BRINP3: variants seen among roughly 807,000 people sequenced by gnomAD.
The protein encoded by BRINP3 is BMP/retinoic acid-inducible neural-specific protein 3.
BRINP3 carries 19 observed loss-of-function variants against 71.0 expected under a neutral mutation model. The ratio of observed to expected loss-of-function variants is 0.27; its 90% CI spans 0.19 to 0.39. BRINP3 has a LOEUF of 0.39. Among genes scored for constraint, BRINP3 ranks in the 10% least tolerant of loss-of-function variants. The pLI is 1.00. For missense variants in BRINP3, 959 were observed against 940.8 expected (o/e 1.02, Z -0.25); for synonymous variants, 380 against 337.7 (o/e 1.13, Z -1.37).
chr1:190,273,657 A>G (rs1021870258), intron 3 of BRINP3, among the ~76,000 whole-genome samples: 1 of 151,708 alleles, frequency 6.6e-6, no homozygotes, highest in Admixed American at 6.6e-5. Flanking sequence ...GGCCCTTAAA[A>G]TTATGTATTT....
At chr1:190,443,814 C>T (rs6660355) in intron 2 of BRINP3, among the ~76,000 whole-genome samples, 23,489 of 152,138 alleles carry the variant, frequency 0.15, 1,930 homozygotes, top group South Asian at 0.21. Context: ...CTACCCTGGC[C>T]AATCAAGGCC....
chr1:190,270,058 G>C (rs1661974155), intron 3 of BRINP3, among the ~76,000 whole-genome samples: 1 of 151,896 alleles, frequency 6.6e-6, no homozygotes, highest in African/African-American at 2.4e-5. Context: ...TTTCTACGGA[G>C]ATCTCATAAA....
chr1:190,365,517 TATTATA>T (rs1669427570), intron 2 of BRINP3, among the ~76,000 whole-genome samples: 1 of 148,304 alleles, frequency 6.7e-6, no homozygotes, highest in Non-Finnish European at 1.5e-5. Flanking sequence ...ATGATAATTA[TATTATA>T]ATTATAATGT....
At chr1:190,319,797 G>A (rs1666117601) in intron 2 of BRINP3, among the ~76,000 whole-genome samples, 1 of 152,034 alleles carries the variant, frequency 6.6e-6, no homozygotes, top group Non-Finnish European at 1.5e-5. Context: ...CCCACCTCCA[G>A]CATTGGGGAT....
chr1:190,344,808 A>C (rs1356533527), intron 2 of BRINP3, among the ~76,000 whole-genome samples: 1 of 151,880 alleles, frequency 6.6e-6, no homozygotes, highest in Non-Finnish European at 1.5e-5. Context: ...TCAGAGTATA[A>C]AGTTCAAATA....
At chr1:190,301,349 T>C (rs1664726639) in intron 2 of BRINP3, among the ~76,000 whole-genome samples, 3 of 149,874 alleles carry the variant, frequency 2.0e-5, no homozygotes, top group Non-Finnish European at 4.4e-5. Context: ...ATTTATAATA[T>C]AATTGTGTTT....
At chr1:190,337,567 A>G (rs1213413730) in intron 2 of BRINP3, among the ~76,000 whole-genome samples, 2 of 151,964 alleles carry the variant, frequency 1.3e-5, no homozygotes, top group Non-Finnish European at 2.9e-5. Context: ...CTGCCCTCGA[A>G]CATCAGACTC....
intron 2 of BRINP3, among the ~76,000 whole-genome samples, chr1:190,411,823 T>C (rs1429469074): frequency 6.6e-6 from 1 of 151,970 alleles, no homozygotes. Flanking sequence ...TGAAAACCAG[T>C]TTAGAGAAGT....
intron 2 of BRINP3, among the ~76,000 whole-genome samples, chr1:190,362,920 A>C (rs1488910282): frequency 2.0e-5 from 3 of 152,098 alleles, no homozygotes; most frequent in African/African-American, 7.2e-5. Context: ...GACTAATACA[A>C]CCTCTATTTT....
At chr1:190,306,199 A>G (rs1172643179) in intron 2 of BRINP3, among the ~76,000 whole-genome samples, 1 of 151,856 alleles carries the variant, frequency 6.6e-6, no homozygotes, top group Non-Finnish European at 1.5e-5. Context: ...TCTGCCCAAT[A>G]TGAAACATTT....
At chr1:190,151,331 T>G (rs1656375865) in intron 7 of BRINP3, among the ~76,000 whole-genome samples, 1 of 152,134 alleles carries the variant, frequency 6.6e-6, no homozygotes, top group Non-Finnish European at 1.5e-5. Context: ...TTCTAAAGAT[T>G]TCACGGTCAA....
At chr1:190,447,093 C>T (rs1675267297) in intron 2 of BRINP3, among the ~76,000 whole-genome samples, 1 of 151,566 alleles carries the variant, frequency 6.6e-6, no homozygotes. Flanking sequence ...GAGGGGCAAA[C>T]AAAAGTTCAG....
chr1:190,389,584 C>G (rs1413994901), intron 2 of BRINP3, among the ~76,000 whole-genome samples: 1 of 151,682 alleles, frequency 6.6e-6, no homozygotes, highest in Non-Finnish European at 1.5e-5. Flanking sequence ...AAGTGAGTAG[C>G]TATATTTCAT....
intron 4 of BRINP3, among the ~76,000 whole-genome samples, chr1:190,255,409 G>C (rs140136516): frequency 6.6e-6 from 1 of 152,010 alleles, no homozygotes; most frequent in Non-Finnish European, 1.5e-5. Context: ...AATCCATCTG[G>C]TCCTCGACTG....
intron 6 of BRINP3, among the ~76,000 whole-genome samples, chr1:190,215,867 A>AT (rs2102667086): frequency 1.3e-5 from 2 of 152,022 alleles, no homozygotes; most frequent in Admixed American, 1.3e-4. Context: ...GTGGTAACAC[A>AT]TTTTTTCCAA....
intron 2 of BRINP3, among the ~76,000 whole-genome samples, chr1:190,416,485 T>C (rs992942214): frequency 6.6e-6 from 1 of 152,130 alleles, no homozygotes; most frequent in Admixed American, 6.6e-5. Flanking sequence ...GAAATAACCA[T>C]GAACTTCAGC....
rs986537091 is a variant in BRINP3, at chr1:190,390,828, G to A, written c.236+63827C>T. Reference sequence around the variant, plus strand: ...GAGAAATTATGCTAAGTGACCTGGAGTCCTACAGTCTCAGTGCAAAAAGAC... The same window carrying A: ...GAGAAATTATGCTAAGTGACCTGGAATCCTACAGTCTCAGTGCAAAAAGAC... On this transcript the variant is annotated intron_variant, in intron 2 of 7. Coordinates refer to ENST00000367462, the MANE Select transcript of BRINP3 (RefSeq NM_199051.3). 2.0e-5 allele frequency among the ~76,000 whole-genome samples: 3 copies of A among 151,864 alleles called. No individual in the cohort carries two copies. In the Admixed American group the frequency reaches 2.0e-4, roughly 10 times the overall value.
intron 2 of BRINP3, among the ~76,000 whole-genome samples, chr1:190,313,084 C>A (rs1192714109): frequency 6.6e-6 from 1 of 151,544 alleles, no homozygotes; most frequent in African/African-American, 2.4e-5. Flanking sequence ...CTACAAATTA[C>A]AAGTAATTTA....
At chr1:190,358,113 G>A (rs1323541274) in intron 2 of BRINP3, among the ~76,000 whole-genome samples, 2 of 152,156 alleles carry the variant, frequency 1.3e-5, no homozygotes, top group Admixed American at 6.5e-5. Context: ...AGGACTTCAT[G>A]TCTAAAACAC....
Sources: allele counts gnomAD v4.1 joint callset (sites outside exome capture counted in the v4.1 genomes callset), GRCh38; gene constraint gnomAD v4.1.1; transcripts MANE v1.5; gene names NCBI Gene and HGNC (gene_info 2026-07-23, HGNC 2026-07-21).